KIAA0825: variants seen among roughly 807,000 people sequenced by gnomAD.
KIAA0825 encodes the protein uncharacterized protein KIAA0825.
KIAA0825 carries 119 observed loss-of-function variants against 147.6 expected under a neutral mutation model. The observed-to-expected ratio is 0.81, with a 90% CI of 0.69 to 0.94. The LOEUF is 0.94. Ranked by LOEUF, KIAA0825 falls within the 40% of genes least tolerant of loss-of-function variation. The pLI, the probability that KIAA0825 is intolerant of heterozygous loss-of-function variation, is 0.00. For missense variants in KIAA0825, 1,381 were observed against 1,472.7 expected (o/e 0.94, Z 1.02); for synonymous variants, 470 against 518.1 (o/e 0.91, Z 1.26).
chr5:94,422,591 G>A (rs1028688850), intron 14 of KIAA0825, among the ~76,000 whole-genome samples: 13 of 152,110 alleles, frequency 8.5e-5, no homozygotes, highest in Non-Finnish European at 1.5e-4. Context: ...AAAGGTATTA[G>A]TTTTTCTTCC....
intron 15 of KIAA0825, chr5:94,414,597 T>C (rs947737983): frequency 2.6e-5 from 4 of 152,226 alleles, no homozygotes; most frequent in Non-Finnish European, 5.9e-5. Context: ...ATTCTAAGTA[T>C]AAAATCAGAT....
chr5:94,224,903 T>C (rs138478636), intron 20 of KIAA0825, among the ~76,000 whole-genome samples: 268 of 152,314 alleles, frequency 1.8e-3, no homozygotes, highest in Middle Eastern at 0.014. Context: ...TGAGCCTTCA[T>C]CTGTCTCTAA....
intron 3 of KIAA0825, among the ~76,000 whole-genome samples, chr5:94,529,985 T>G (rs1186933860): frequency 6.6e-6 from 1 of 152,052 alleles, no homozygotes; most frequent in Non-Finnish European, 1.5e-5. Context: ...AAAATGGACT[T>G]ACTAGCTGGG....
At chr5:94,586,233 A>T (rs1219737771) in intron 1 of KIAA0825, among the ~76,000 whole-genome samples, 2 of 152,226 alleles carry the variant, frequency 1.3e-5, no homozygotes, top group African/African-American at 4.8e-5. Flanking sequence ...ACCCTTCAAA[A>T]AAATCAATGA....
At chr5:94,523,240 C>G (rs1451701307) in intron 4 of KIAA0825, among the ~76,000 whole-genome samples, 1 of 151,548 alleles carries the variant, frequency 6.6e-6, no homozygotes, top group Non-Finnish European at 1.5e-5. Flanking sequence ...TAAATTAAAA[C>G]CATAGCTACA....
chr5:94,565,135 T>C (rs1316946299), intron 2 of KIAA0825, among the ~76,000 whole-genome samples: 2 of 129,062 alleles, frequency 1.5e-5, no homozygotes, highest in Non-Finnish European at 3.3e-5. Context: ...GGTCTCACAC[T>C]GTTGTCCAAG....
intron 1 of KIAA0825, among the ~76,000 whole-genome samples, chr5:94,583,992 C>T (rs746021822): frequency 6.6e-6 from 1 of 152,166 alleles, no homozygotes; most frequent in African/African-American, 2.4e-5. Context: ...ATACCATCAA[C>T]ATCAACAAAA....
chr5:94,348,583 C>A (rs555447530), intron 20 of KIAA0825, among the ~76,000 whole-genome samples: 1 of 152,146 alleles, frequency 6.6e-6, no homozygotes, highest in Non-Finnish European at 1.5e-5. Context: ...TCACCTAGCA[C>A]ATAGGACTCA....
chr5:94,565,095 C>T lies in KIAA0825; in HGVS notation c.-2+17338G>A, dbSNP rs1324824175. Among the ~76,000 whole-genome samples the T allele has an allele frequency of 3.3e-3, 176 of 52,826 alleles. 4 individuals carry two copies. Among genetic ancestry groups the T allele is most frequent in the Non-Finnish European group, 4.6e-3 (125 of 27,252 alleles). The allele number at this position is 52,826 out of a possible 152,430, so 34.7% of individuals were successfully genotyped here. A position where few individuals can be genotyped will look rare whatever the true frequency, so the allele number is the denominator to read the frequency against. On this transcript the variant is annotated intron_variant, in intron 2 of 20. Coordinates refer to ENST00000682413, the MANE Select transcript of KIAA0825 (RefSeq NM_001145678.3). ...CTCTTTCTCTCTCTTTCTTGCTTTC[C>T]TTTTTTTTTTTTTTTTTTGGTAGAG... is the stretch of plus-strand genomic sequence containing the variant.
At chr5:94,251,262 A>G (rs1342979894) in intron 20 of KIAA0825, among the ~76,000 whole-genome samples, 1 of 152,142 alleles carries the variant, frequency 6.6e-6, no homozygotes, top group Non-Finnish European at 1.5e-5. Context: ...GTAAAAGAAC[A>G]TCTTAATATA....
intron 20 of KIAA0825, among the ~76,000 whole-genome samples, chr5:94,324,699 C>A: frequency 6.6e-6 from 1 of 151,460 alleles, no homozygotes; most frequent in African/African-American, 2.4e-5. Context: ...AGGATAACAC[C>A]AATGAAAGTC....
chr5:94,335,223 T>C (rs1781684319), intron 20 of KIAA0825, among the ~76,000 whole-genome samples: 1 of 152,186 alleles, frequency 6.6e-6, no homozygotes. Flanking sequence ...CAAAGTTCAG[T>C]AGAGGTTTGG....
Position 94,152,843 on chromosome 5 carries a change from AAAAAAAAAAAAATTATAT to A in KIAA0825, c.*1146_*1163del, listed in dbSNP as rs1562283940. The A allele has an allele frequency of 1.1e-3, 39 of 35,674 alleles. 1 individual carries two copies. The highest frequency in any genetic ancestry group is 1.7e-3 in the Non-Finnish European group (31 of 18,220). The allele number at this position is 35,674 out of a possible 1,614,324, so 2.2% of individuals were successfully genotyped here. A position where few individuals can be genotyped will look rare whatever the true frequency, so the allele number is the denominator to read the frequency against. ...AATGAAAAAAAAAAAAAAAAAAAAA[AAAAAAAAAAAAATTATAT>A]ATATATATATATATATATATATATA... On this transcript the variant is annotated 3_prime_UTR_variant, in exon 21 of 21. Coordinates refer to ENST00000682413, the MANE Select transcript of KIAA0825 (RefSeq NM_001145678.3).
intron 20 of KIAA0825, among the ~76,000 whole-genome samples, chr5:94,183,184 A>T (rs1690800071): frequency 6.6e-6 from 1 of 152,218 alleles, no homozygotes; most frequent in African/African-American, 2.4e-5. Flanking sequence ...TTAAATACAA[A>T]TTATCACCTA....
At chr5:94,268,330 A>G (rs988454600) in intron 20 of KIAA0825, among the ~76,000 whole-genome samples, 4 of 152,028 alleles carry the variant, frequency 2.6e-5, no homozygotes, top group African/African-American at 4.8e-5. Flanking sequence ...GTCACACACA[A>G]CTCTGGGCGG....
At chr5:94,611,592 T>C (rs1271866834) in intron 1 of KIAA0825, among the ~76,000 whole-genome samples, 2 of 151,318 alleles carry the variant, frequency 1.3e-5, no homozygotes, top group African/African-American at 4.8e-5. Context: ...TTGGTAAAGA[T>C]GCAAATAGAC....
intron 14 of KIAA0825, among the ~76,000 whole-genome samples, 199 bp downstream of exon 14, chr5:94,439,783 T>C (rs1300349861): frequency 6.6e-6 from 1 of 152,196 alleles, no homozygotes; most frequent in African/African-American, 2.4e-5. Flanking sequence ...TTTTCTCTCA[T>C]TCAGAGTCAT....
rs1760302819 is a variant in KIAA0825 at position 94,464,977 on chromosome 5, G to A, written c.1955C>T (p.Pro652Leu). Residue 652 changes from proline (P) to leucine (L), a missense_variant, in exon 11 of 21, where the codon CCT becomes CTT. Coordinates refer to ENST00000682413, the MANE Select transcript of KIAA0825 (RefSeq NM_001145678.3). ...CACTAGAATCTCCTGGGCTAACTTA[G>A]GAGGCAGAATGGTCCAGAGATCGTA... ...LHYDLWTILP[P>L]KLAQEILVEV... The A allele has an allele frequency of 6.4e-7, 1 of 1,551,554 alleles. No individual in the cohort carries two copies. The highest frequency in any genetic ancestry group is 1.4e-5 in the African/African-American group (1 of 73,034).
intron 5 of KIAA0825, among the ~76,000 whole-genome samples, chr5:94,500,751 T>C (rs566078192): frequency 2.0e-5 from 3 of 152,308 alleles, no homozygotes; most frequent in African/African-American, 7.2e-5. Context: ...CCGGATACTT[T>C]ATTATTTTAA....
Sources: gnomAD v4.1 joint callset for allele counts (sites outside exome capture counted in the v4.1 genomes callset) on GRCh38, gnomAD v4.1.1 for gene constraint, MANE v1.5 for transcripts, NCBI Gene and HGNC (gene_info 2026-07-23, HGNC 2026-07-21) for gene names.